ETFB: variants seen among roughly 807,000 people sequenced by gnomAD.
ETFB encodes the protein beta-ETF.
In ETFB, 20 loss-of-function variants were observed where a neutral mutation model predicts 25.6. That is an observed-to-expected ratio of 0.78 (90% CI 0.55 to 1.14). The LOEUF (loss-of-function observed/expected upper bound fraction) is 1.14. Ranked by LOEUF, ETFB falls within the 50% of genes most tolerant of loss-of-function variation. The probability of loss-of-function intolerance (pLI) is 0.00; values close to 1 mark genes in which losing one functional copy is unlikely to be tolerated. For synonymous variants in ETFB, 142 were observed against 146.7 expected (o/e 0.97, Z 0.23); for missense variants, 286 against 342.6 (o/e 0.83, Z 1.30).
intron 1 of ETFB, chr19:51,355,189 C>G (rs2123593418): frequency 6.4e-6 from 1 of 155,738 alleles, no homozygotes; most frequent in Admixed American, 6.2e-5. Context: ...TTGCAGCCTA[C>G]TCATCTGACA....
chr19:51,354,143 T>C lies in ETFB; in HGVS notation c.216+7A>G, dbSNP rs910583174. On this transcript the variant is annotated splice_region_variant and intron_variant, in intron 2 of 5. Transcript: ENST00000309244. The stretch of plus-strand genomic sequence containing the variant: ...GAGTCCAGCCCCCTCCCCAAGACCT[T>C]CATCACCTGGCACTGTGCAGGCCCA... The C allele has an allele frequency of 6.2e-6, 10 of 1,613,224 alleles. No individual in the cohort carries two copies. In the African/African-American group the frequency reaches 1.2e-4, roughly 19 times the overall value.
intron 1 of ETFB, chr19:51,356,717 A>G (rs1408504510): frequency 2.0e-5 from 3 of 152,174 alleles, no homozygotes; most frequent in Non-Finnish European, 4.4e-5. Context: ...TGCCGTAACA[A>G]ATCACCATAT....
intron 1 of ETFB, among the ~76,000 whole-genome samples, chr19:51,359,218 AT>A (rs879537980): frequency 1.8e-3 from 256 of 143,832 alleles, no homozygotes; most frequent in Non-Finnish European, 1.5e-3. Flanking sequence ...TGCCGGGCTA[AT>A]TTTTTTTTTT....
Position 51,360,038 on chromosome 19 carries a change from A to C in ETFB, c.58-5730T>G, listed in dbSNP as rs775270895. On this transcript the variant is annotated intron_variant, in intron 1 of 5. Transcript: ENST00000309244. ...CAAAAAGAAAAAAAAAAAGTTTTATAATTGAGGTAAATCATTCAGCATTAA... is the reference window on the plus strand; with the variant it reads ...CAAAAAGAAAAAAAAAAAGTTTTATCATTGAGGTAAATCATTCAGCATTAA... Among the ~76,000 whole-genome samples, 79 of 151,912 alleles carry C rather than the reference A, an allele frequency of 5.2e-4. 1 individual carries two copies. The highest frequency in any genetic ancestry group is 1.8e-3 in the African/African-American group (75 of 41,420).
At chr19:51,350,974 C>A (rs1407458366) in intron 3 of ETFB, among the ~76,000 whole-genome samples, 1 of 152,238 alleles carries the variant, frequency 6.6e-6, no homozygotes, top group Non-Finnish European at 1.5e-5. Context: ...AGTTCACTGA[C>A]TTTTGGTCTA....
intron 5 of ETFB, 109 bp from the exon 6 acceptor site, chr19:51,345,490 C>T (rs1985750381): frequency 9.0e-7 from 1 of 1,113,010 alleles, no homozygotes; most frequent in African/African-American, 1.5e-5. Flanking sequence ...GGGCTGAACC[C>T]TCTGGACCCA....
chr19:51,352,391 C>T (rs944553864), intron 3 of ETFB, among the ~76,000 whole-genome samples: 2 of 152,134 alleles, frequency 1.3e-5, no homozygotes, highest in African/African-American at 4.8e-5. Flanking sequence ...GTAGGATCCT[C>T]CTCTAACCTC....
At chr19:51,365,949 C>A (rs1986352758) in intron 1 of ETFB, among the ~76,000 whole-genome samples, 1 of 152,208 alleles carries the variant, frequency 6.6e-6, no homozygotes, top group Admixed American at 6.5e-5. Context: ...TGGGTGACCT[C>A]TCTGTGCCTC....
intron 3 of ETFB, 74 bp downstream of exon 3, chr19:51,353,058 C>T: frequency 6.3e-7 from 1 of 1,590,182 alleles, no homozygotes; most frequent in Non-Finnish European, 8.6e-7. Flanking sequence ...GCTGCTGTCT[C>T]ACCCCGTATC....
At chr19:51,352,270 AGAACTC>A (rs1307832429) in intron 3 of ETFB, among the ~76,000 whole-genome samples, 6 of 152,038 alleles carry the variant, frequency 3.9e-5, no homozygotes, top group African/African-American at 1.4e-4. Context: ...TTCTGCTCAT[AGAACTC>A]CCATAGCTCC....
intron 1 of ETFB, among the ~76,000 whole-genome samples, chr19:51,357,615 G>A (rs1483002347): frequency 1.3e-5 from 2 of 149,174 alleles, no homozygotes; most frequent in East Asian, 2.0e-4. Flanking sequence ...TCAGCCTCCT[G>A]AGTAGCTGTG....
In ETFB at chr19:51,366,202, G is replaced by A. The variant is rs370777932; in HGVS notation, c.57+68C>T. ...GGTTACGAGAAGACCCCCACCCAGT[G>A]TGCGCTCGTGGCCCCGGAAGCACAC... is the stretch of plus-strand genomic sequence containing the variant. On this transcript the variant is annotated intron_variant, in intron 1 of 5. Transcript: ENST00000309244. The A allele has an allele frequency of 6.1e-3, 9,148 of 1,491,650 alleles. 44 individuals are homozygous for A. The highest frequency in any genetic ancestry group is 8.0e-3 in the Non-Finnish European group (8,543 of 1,068,952). 92.4% of individuals were successfully genotyped at this position (1,491,650 alleles called of 1,614,324 possible).
chr19:51,365,742 C>T (rs575850198), intron 1 of ETFB, among the ~76,000 whole-genome samples: 2 of 152,194 alleles, frequency 1.3e-5, no homozygotes, highest in Non-Finnish European at 2.9e-5. Flanking sequence ...ACTTCTCTCT[C>T]CCTAGCTAGA....
chr19:51,351,773 ACCCATCAGCCT>A (rs559266500), intron 3 of ETFB, among the ~76,000 whole-genome samples: 92 of 152,028 alleles, frequency 6.1e-4, no homozygotes, highest in African/African-American at 2.1e-3. Flanking sequence ...ACCTACCTGG[ACCCATCAGCCT>A]CCTCTTTGTC....
intron 1 of ETFB, among the ~76,000 whole-genome samples, chr19:51,363,781 T>G: frequency 6.6e-6 from 1 of 151,228 alleles, no homozygotes; most frequent in East Asian, 1.9e-4. Flanking sequence ...AATCCATGAG[T>G]TGGAGTTGGG....
intron 3 of ETFB, 132 bp downstream of exon 3, chr19:51,353,000 A>G: frequency 9.0e-7 from 1 of 1,106,440 alleles, no homozygotes; most frequent in South Asian, 1.3e-5. Flanking sequence ...GGGTCAGCAA[A>G]GTCCCAAGCT....
intron 1 of ETFB, among the ~76,000 whole-genome samples, chr19:51,358,352 T>C (rs1986132947): frequency 6.6e-6 from 1 of 151,990 alleles, no homozygotes; most frequent in East Asian, 1.9e-4. Context: ...CTGTGCCTCA[T>C]GGAGAGGGTA....
At chr19:51,359,192 C>G (rs1480866096) in intron 1 of ETFB, among the ~76,000 whole-genome samples, 1 of 151,644 alleles carries the variant, frequency 6.6e-6, no homozygotes, top group Non-Finnish European at 1.5e-5. Context: ...GCTGGGACCA[C>G]AGGCGGGCAC....
rs1985740878 is a variant in ETFB, at chr19:51,345,252, C to T, written c.727G>A (p.Glu243Lys). 5.0e-6 allele frequency: 8 copies of T among 1,614,224 alleles called. No individual in the cohort carries two copies. Among genetic ancestry groups the T allele is most frequent in the Non-Finnish European group, 6.8e-6 (8 of 1,180,044 alleles). The change falls in exon 6 of 6, where the codon GAG (glutamate) becomes AAG (lysine). Residue 243 changes from glutamate (E) to lysine (K), a missense_variant. Glu to Lys is a moderately conservative substitution (Grantham distance 56, BLOSUM62 1). Coordinates refer to ENST00000309244, the MANE Select transcript of ETFB (RefSeq NM_001985.3). ...TCCTTCAGCTTGGCCACCAGGTCCTCAGTGGTCTCCACCTTGACGCCGGCC... is the reference window on the plus strand; with the variant it reads ...TCCTTCAGCTTGGCCACCAGGTCCTTAGTGGTCTCCACCTTGACGCCGGCC... ...RTAGVKVETT[E>K]DLVAKLKEIG...
Sources: allele counts gnomAD v4.1 joint callset (sites outside exome capture counted in the v4.1 genomes callset), GRCh38; gene constraint gnomAD v4.1.1; transcripts MANE v1.5; gene names NCBI Gene and HGNC (gene_info 2026-07-23, HGNC 2026-07-21).